Variants in EYS observed in about 807,000 individuals in gnomAD.
The protein encoded by EYS is EGF-like photoreceptor maintenance factor.
Under a neutral mutation model 282.1 loss-of-function variants are expected in EYS, and 250 were observed. The ratio of observed to expected loss-of-function variants is 0.89; its 90% CI spans 0.80 to 0.98. EYS has a LOEUF of 0.98. Among genes scored for constraint, EYS ranks in the 50% least tolerant of loss-of-function variants. The pLI is 0.00. For synonymous variants in EYS, 1,355 were observed against 1,282.9 expected (o/e 1.06, Z -1.20); for missense variants, 4,016 against 3,709.0 (o/e 1.08, Z -2.15).
chr6:65,097,708 A>T (rs991988741), intron 12 of EYS, among the ~76,000 whole-genome samples: 2 of 150,844 alleles, frequency 1.3e-5, no homozygotes, highest in African/African-American at 4.8e-5. Context: ...AACAACATGG[A>T]TAAACCTGAA....
At chr6:63,828,813 G>A (rs1337251294) in intron 36 of EYS, among the ~76,000 whole-genome samples, 2 of 152,150 alleles carry the variant, frequency 1.3e-5, no homozygotes, top group Admixed American at 6.5e-5. Context: ...AAAAGTAGAT[G>A]TTTGTGTGGA....
chr6:65,207,648 C>A (rs76976431), intron 12 of EYS, among the ~76,000 whole-genome samples: 3,193 of 151,676 alleles, frequency 0.021, 104 homozygotes, highest in African/African-American at 0.073. Context: ...GTATACGAAC[C>A]AAAAGATCAA....
At chr6:65,600,213 C>A (rs555242188) in intron 2 of EYS, among the ~76,000 whole-genome samples, 4 of 152,076 alleles carry the variant, frequency 2.6e-5, no homozygotes, top group East Asian at 1.9e-4. Context: ...ATTCTGAGTC[C>A]TATTGTAACT....
chr6:64,683,674 A>T (rs1462982896), intron 22 of EYS, among the ~76,000 whole-genome samples: 1 of 152,224 alleles, frequency 6.6e-6, no homozygotes, highest in Non-Finnish European at 1.5e-5. Context: ...AACATGGTGA[A>T]AAGTGCAAAT....
At chr6:64,962,633 A>C (rs1160148717) in intron 14 of EYS, among the ~76,000 whole-genome samples, 4 of 151,986 alleles carry the variant, frequency 2.6e-5, no homozygotes, top group Non-Finnish European at 5.9e-5. Flanking sequence ...CCAGATACTC[A>C]TGAGGCTGAG....
intron 26 of EYS, among the ~76,000 whole-genome samples, chr6:64,488,070 T>C (rs578104276): frequency 6.6e-6 from 1 of 151,136 alleles, no homozygotes. Flanking sequence ...TAGTTCATAC[T>C]TGATTAAATT....
At chr6:64,290,014 T>C (rs963733448) in intron 30 of EYS, among the ~76,000 whole-genome samples, 11 of 152,090 alleles carry the variant, frequency 7.2e-5, no homozygotes, top group African/African-American at 2.4e-4. Flanking sequence ...CACTATCTAC[T>C]GTACCAAGCA....
chr6:63,996,574 A>G (rs903703895), intron 34 of EYS, among the ~76,000 whole-genome samples: 3 of 152,092 alleles, frequency 2.0e-5, no homozygotes, highest in Non-Finnish European at 4.4e-5. Flanking sequence ...TTAGAAATAA[A>G]AAAAAGAAAA....
chr6:65,652,691 G>A lies in EYS; in HGVS notation c.-447-12799C>T, dbSNP rs570284501. On this transcript the variant is annotated intron_variant, in intron 1 of 42. Coordinates refer to ENST00000503581, the MANE Select transcript of EYS (RefSeq NM_001142800.2). ...CAGGAATGTAAAGACATACTAGGGA[G>A]AATATTGAACTTTCCCCTAAAATAC... 6.6e-5 allele frequency among the ~76,000 whole-genome samples: 10 copies of A among 152,014 alleles called. No individual in the cohort carries two copies. The South Asian group carries it at 1.9e-3, about 28-fold the overall frequency.
intron 2 of EYS, among the ~76,000 whole-genome samples, chr6:65,506,538 G>A (rs1766666662): frequency 8.5e-6 from 1 of 118,118 alleles, no homozygotes; most frequent in African/African-American, 3.3e-5. Context: ...AAGTGCAATA[G>A]TTTGGTCATA....
intron 19 of EYS, among the ~76,000 whole-genome samples, chr6:64,878,493 G>A (rs1390317624): frequency 6.6e-6 from 1 of 152,032 alleles, no homozygotes; most frequent in African/African-American, 2.4e-5. Context: ...AGTAGGCTAG[G>A]ATACTCGGAA....
At chr6:64,063,517 A>G (rs1268036267) in intron 33 of EYS, among the ~76,000 whole-genome samples, 2 of 152,148 alleles carry the variant, frequency 1.3e-5, no homozygotes, top group East Asian at 1.9e-4. Context: ...CCACCATTAT[A>G]TCTTACTTGG....
chr6:64,633,057 T>G (rs1562102125), intron 22 of EYS, among the ~76,000 whole-genome samples: 1 of 152,196 alleles, frequency 6.6e-6, no homozygotes, highest in East Asian at 1.9e-4. Flanking sequence ...GTTTATATTA[T>G]GTATCTTGAA....
intron 41 of EYS, among the ~76,000 whole-genome samples, chr6:63,732,328 CTTA>C (rs1337286048): frequency 6.6e-6 from 1 of 151,962 alleles, no homozygotes; most frequent in Non-Finnish European, 1.5e-5. Context: ...GCTCTAATAG[CTTA>C]TTATTTGATT....
chr6:65,210,931 AAC>A (rs59095242), intron 12 of EYS, among the ~76,000 whole-genome samples: 43,857 of 148,002 alleles, frequency 0.3, 6,440 homozygotes, highest in Middle Eastern at 0.34. Context: ...AAGTCGTACA[AAC>A]ACACACACAC....
intron 24 of EYS, among the ~76,000 whole-genome samples, chr6:64,606,537 A>G (rs1031792420): frequency 6.6e-6 from 1 of 152,060 alleles, no homozygotes; most frequent in East Asian, 1.9e-4. Context: ...CAATGAATAC[A>G]CTGATCATTT....
chr6:64,691,674 A>C (rs1316832231), intron 22 of EYS, among the ~76,000 whole-genome samples: 1 of 151,930 alleles, frequency 6.6e-6, no homozygotes, highest in African/African-American at 2.4e-5. Context: ...CTAGTAACCT[A>C]CAGTGTTTAT....
intron 2 of EYS, among the ~76,000 whole-genome samples, chr6:65,519,708 A>ATATATATTTTT (rs1554205854): frequency 2.3e-5 from 1 of 42,562 alleles, no homozygotes; most frequent in African/African-American, 1.3e-4. Context: ...ATATATATAT[A>ATATATATTTTT]TTTTTTTTTT....
intron 24 of EYS, among the ~76,000 whole-genome samples, chr6:64,604,212 A>G (rs1582945115): frequency 6.6e-6 from 1 of 152,000 alleles, no homozygotes; most frequent in African/African-American, 2.4e-5. Flanking sequence ...GGTTATCCAC[A>G]ATATCCTGTC....
Sources: gnomAD v4.1 joint callset for allele counts (sites outside exome capture counted in the v4.1 genomes callset) on GRCh38, gnomAD v4.1.1 for gene constraint, MANE v1.5 for transcripts, NCBI Gene and HGNC (gene_info 2026-07-23, HGNC 2026-07-21) for gene names.